SLC12A2: variants seen among roughly 807,000 people sequenced by gnomAD.
The protein encoded by SLC12A2 is Na-K-2Cl cotransporter 1.
SLC12A2 carries 67 observed loss-of-function variants against 136.3 expected under a neutral mutation model. The ratio of observed to expected loss-of-function variants is 0.49; its 90% CI spans 0.40 to 0.60. The LOEUF is 0.60. SLC12A2 is among the 20% of genes least tolerant of loss of function. The pLI, the probability that SLC12A2 is intolerant of heterozygous loss-of-function variation, is 0.00. For missense variants in SLC12A2, 1,322 were observed against 1,534.7 expected, an observed-to-expected ratio of 0.86 and a Z score of 2.32; for synonymous variants, 619 against 562.9, an observed-to-expected ratio of 1.10 and a Z score of -1.41.
chr5:128,111,228 C>CTTATACTTCTATTGCTT (rs1334033688), intron 1 of SLC12A2, among the ~76,000 whole-genome samples: 3 of 152,064 alleles, frequency 2.0e-5, no homozygotes, highest in Non-Finnish European at 4.4e-5. Flanking sequence ...TTGCATCTGG[C>CTTATACTTCTATTGCTT]TTATACTTCT....
At chr5:128,120,734 A>G (rs1283246762) in intron 4 of SLC12A2, among the ~76,000 whole-genome samples, 4 of 152,146 alleles carry the variant, frequency 2.6e-5, no homozygotes, top group Admixed American at 2.6e-4. Context: ...TGGGAGGGAT[A>G]GCATTAGGAG....
chr5:128,123,731 A>G (rs1468215400), intron 4 of SLC12A2, among the ~76,000 whole-genome samples: 1 of 152,226 alleles, frequency 6.6e-6, no homozygotes, highest in East Asian at 1.9e-4. Context: ...TGTCTTGAGT[A>G]TATGGCTTGT....
At chr5:128,089,100 G>A (rs1760209608) in intron 1 of SLC12A2, among the ~76,000 whole-genome samples, 1 of 150,798 alleles carries the variant, frequency 6.6e-6, no homozygotes, top group Non-Finnish European at 1.5e-5. Context: ...CCCAGGAGGT[G>A]GAGATTGCAG....
intron 4 of SLC12A2, among the ~76,000 whole-genome samples, chr5:128,124,703 T>C (rs1035945290): frequency 1.3e-5 from 2 of 152,168 alleles, no homozygotes; most frequent in African/African-American, 4.8e-5. Flanking sequence ...ATAGCCACGA[T>C]TGATTAAATC....
In SLC12A2 at chr5:128,110,808, A is replaced by G. The variant is rs186979580; in HGVS notation, c.757-2006A>G. On this transcript the variant is annotated intron_variant, in intron 1 of 26. Coordinates refer to ENST00000262461, the MANE Select transcript of SLC12A2 (RefSeq NM_001046.3). ...CCAAAAAGATAGCAAAAGCAGGACAAGAATTTGCAAGAAATAATCTCATGG... is the reference window on the plus strand; with the variant it reads ...CCAAAAAGATAGCAAAAGCAGGACAGGAATTTGCAAGAAATAATCTCATGG... The G allele has an allele frequency of 3.4e-6, 5 of 1,475,892 alleles. No homozygotes were observed. In the Admixed American group the frequency reaches 6.7e-5, roughly 20 times the overall value. The allele number at this position is 1,475,892 out of a possible 1,614,324, so 91.4% of individuals were successfully genotyped here.
chr5:128,125,727 C>A lies in SLC12A2; in HGVS notation c.1049-5340C>A, dbSNP rs539570243. On this transcript the variant is annotated intron_variant, in intron 4 of 26. Coordinates refer to ENST00000262461, the MANE Select transcript of SLC12A2 (RefSeq NM_001046.3). ...TTCATGGTAGAAATATTTGCCTATC[C>A]CAAGGCCATGAAGATATTCTCCTAT... 2.0e-5 allele frequency among the ~76,000 whole-genome samples: 3 copies of A among 151,868 alleles called. No individual in the cohort carries two copies. In the East Asian group the frequency reaches 5.8e-4, roughly 29 times the overall value.
Position 128,150,073 on chromosome 5 carries a change from C to A in SLC12A2, c.2082C>A (p.Phe694Leu). The A allele has an allele frequency of 6.2e-7, 1 of 1,604,184 alleles. No individual in the cohort carries two copies. The highest frequency in any genetic ancestry group is 8.5e-7 in the Non-Finnish European group (1 of 1,173,400). ...ATGCATTGATCAATTTTTCAGTATT[C>A]CATGCATCACTTGCAAAATCTCCAG... The part of the protein sequence containing the change: ...ASYALINFSV[F>L]HASLAKSPGW... The change falls in exon 13 of 27, where the codon TTC becomes TTA. Residue 694 changes from phenylalanine (F) to leucine (L), a missense_variant. By Grantham distance (22) the Phe-to-Leu change is conservative. Transcript: ENST00000262461.
rs1763878922 is a variant in SLC12A2, at chr5:128,186,638, T to C, written c.*7T>C. 6.2e-7 allele frequency: 1 copy of C among 1,613,688 alleles called. No homozygotes were observed. The highest frequency in any genetic ancestry group is 8.5e-7 in the Non-Finnish European group (1 of 1,179,796). Reference sequence around the variant, plus strand: ...CCTTACCTTCTATTCATAAATGTTCTATACAGTGGACAGCCCTCCAGAATG... The same window carrying C: ...CCTTACCTTCTATTCATAAATGTTCCATACAGTGGACAGCCCTCCAGAATG... On this transcript the variant is annotated 3_prime_UTR_variant, in exon 27 of 27. Transcript: ENST00000262461.
chr5:128,095,729 T>G (rs554283532), intron 1 of SLC12A2, among the ~76,000 whole-genome samples: 1 of 152,296 alleles, frequency 6.6e-6, no homozygotes, highest in East Asian at 1.9e-4. Flanking sequence ...TAGTGTATTT[T>G]ATGTGTGGCC....
At chr5:128,148,957 A>G (rs1044158718) in intron 12 of SLC12A2, 80 bp downstream of exon 12, 2 of 1,201,166 alleles carry the variant, frequency 1.7e-6, no homozygotes, top group African/African-American at 1.6e-5. Context: ...ATTATTAACA[A>G]TGTTATCTTG....
intron 1 of SLC12A2, among the ~76,000 whole-genome samples, chr5:128,112,613 A>G (rs1482062204): frequency 2.6e-5 from 4 of 152,324 alleles, no homozygotes; most frequent in African/African-American, 9.6e-5. Context: ...CTTAAATTTT[A>G]AGAAATTTCA....
Position 128,186,704 on chromosome 5 carries a change from C to A in SLC12A2, c.*73C>A. On this transcript the variant is annotated 3_prime_UTR_variant, in exon 27 of 27. Coordinates refer to ENST00000262461, the MANE Select transcript of SLC12A2 (RefSeq NM_001046.3). Reference sequence around the variant, plus strand: ...GTGTAGTAACTGAAATCTTCAATGACACATTAACATCACAATGGCGAATGG... The same window carrying A: ...GTGTAGTAACTGAAATCTTCAATGAAACATTAACATCACAATGGCGAATGG... The A allele has an allele frequency of 7.0e-7, 1 of 1,422,150 alleles. No individual in the cohort carries two copies. The highest frequency in any genetic ancestry group is 9.8e-7 in the Non-Finnish European group (1 of 1,024,972). 88.1% of individuals were successfully genotyped at this position (1,422,150 alleles called of 1,614,324 possible).
At position 128,161,782 on chromosome 5, in the gene SLC12A2, T is replaced by C; in HGVS notation, c.2598T>C (p.Gly866=). The C allele has an allele frequency of 6.8e-7, 1 of 1,477,634 alleles. No homozygotes were observed. Among genetic ancestry groups the C allele is most frequent in the Non-Finnish European group, 9.0e-7 (1 of 1,116,560 alleles). 91.5% of individuals were successfully genotyped at this position (1,477,634 alleles called of 1,614,324 possible). A position where few individuals can be genotyped will look rare whatever the true frequency, so the allele number is the denominator to read the frequency against. Residue 866 remains glycine (G), a synonymous_variant, in exon 17 of 27, where the codon GGT becomes GGC. Coordinates refer to ENST00000262461, the MANE Select transcript of SLC12A2 (RefSeq NM_001046.3). The part of the protein sequence containing the change: ...APVHADDLRE[G]AQYLMQAAGL... ...TACATGCAGATGACTTGAGAGAAGG[T>C]GCACAGTATTTGATGCAGGTAACTT...
At chr5:128,090,644 A>G (rs1486427487) in intron 1 of SLC12A2, among the ~76,000 whole-genome samples, 3 of 152,220 alleles carry the variant, frequency 2.0e-5, no homozygotes, top group African/African-American at 7.2e-5. Context: ...AAAGGTGGCT[A>G]GATGATGGCT....
chr5:128,160,556 T>G (rs1763005656), intron 16 of SLC12A2, among the ~76,000 whole-genome samples: 1 of 152,164 alleles, frequency 6.6e-6, no homozygotes, highest in Non-Finnish European at 1.5e-5. Context: ...TTCAAACACT[T>G]AGTTGCCAAT....
intron 4 of SLC12A2, among the ~76,000 whole-genome samples, chr5:128,122,306 G>T (rs1761613743): frequency 6.6e-6 from 1 of 152,148 alleles, no homozygotes; most frequent in South Asian, 2.1e-4. Flanking sequence ...GCTGACAATT[G>T]TTGAGCATTT....
chr5:128,092,681 C>T (rs752610698), intron 1 of SLC12A2, among the ~76,000 whole-genome samples: 3 of 151,938 alleles, frequency 2.0e-5, no homozygotes, highest in Non-Finnish European at 2.9e-5. Flanking sequence ...TTTGAAACCC[C>T]GTGTGTTTTT....
chr5:128,181,336 G>C (rs976244007), intron 23 of SLC12A2, among the ~76,000 whole-genome samples: 1 of 152,024 alleles, frequency 6.6e-6, no homozygotes, highest in African/African-American at 2.4e-5. Context: ...TTTTGTTGTA[G>C]ACTTCTAGAC....
chr5:128,084,257 G>GCA lies in SLC12A2; in HGVS notation c.303_304insCA (p.Ala102GlnfsTer41), dbSNP rs1561644643. On this transcript the variant is annotated frameshift_variant, in exon 1 of 27. Transcript: ENST00000262461. LOFTEE classifies it high-confidence loss of function. This position sits in a 1 kb window ranked among gnomAD's most constrained non-coding sequence, Gnocchi z 5.6. ...CCGCTGCTGCGGCGGCGGCGGCGGC[G>GCA]GCGGCAGCGGCGGCGGCTGGTGCTG... 4.1e-6 allele frequency: 5 copies of GCA among 1,213,430 alleles called. No individual in the cohort carries two copies. In the African/African-American group the frequency reaches 8.0e-5, roughly 19 times the overall value. 75.2% of individuals were successfully genotyped at this position (1,213,430 alleles called of 1,614,324 possible).
Sources: gnomAD v4.1 joint callset for allele counts (sites outside exome capture counted in the v4.1 genomes callset) on GRCh38, gnomAD v4.1.1 for gene constraint, Gnocchi (gnomAD v3.1) non-coding constraint, MANE v1.5 for transcripts, NCBI Gene and HGNC (gene_info 2026-07-23, HGNC 2026-07-21) for gene names.